Variants in ENOX1 observed in about 807,000 individuals in gnomAD.
ENOX1 encodes ecto-NOX disulfide-thiol exchanger 1.
ENOX1 carries 42 observed loss-of-function variants against 82.5 expected under a neutral mutation model. That is an observed-to-expected ratio of 0.51 (90% CI 0.40 to 0.66). ENOX1 has a LOEUF of 0.66. Among genes scored for constraint, ENOX1 ranks in the 30% least tolerant of loss-of-function variants. The probability of loss-of-function intolerance (pLI) is 0.00; values close to 1 mark genes in which losing one functional copy is unlikely to be tolerated. For missense variants in ENOX1, 608 were observed against 811.6 expected, an observed-to-expected ratio of 0.75 and a Z score of 3.05; for synonymous variants, 271 against 282.2, an observed-to-expected ratio of 0.96 and a Z score of 0.40.
intron 9 of ENOX1, among the ~76,000 whole-genome samples, chr13:43,330,224 A>G (rs2048341536): frequency 6.6e-6 from 1 of 152,240 alleles, no homozygotes; most frequent in South Asian, 2.1e-4. Context: ...AGAGAAAGAT[A>G]TAACCAGCAA....
At chr13:43,783,130 A>G (rs1952370234) in intron 1 of ENOX1, among the ~76,000 whole-genome samples, 1 of 152,186 alleles carries the variant, frequency 6.6e-6, no homozygotes, top group Admixed American at 6.5e-5. Context: ...GAAAATTCAC[A>G]CAGAATAAGA....
chr13:43,685,877 C>CACAT (rs1290837240), intron 1 of ENOX1, among the ~76,000 whole-genome samples: 10 of 136,194 alleles, frequency 7.3e-5, no homozygotes, highest in Non-Finnish European at 7.6e-5. Flanking sequence ...GAAGGAAACA[C>CACAT]ACACACACAC....
intron 5 of ENOX1, among the ~76,000 whole-genome samples, chr13:43,399,489 T>C (rs2053366586): frequency 1.3e-5 from 2 of 152,226 alleles, no homozygotes; most frequent in South Asian, 2.1e-4. Context: ...TCCCTTAAAA[T>C]AGAAAGTCAT....
At chr13:43,756,969 C>CAAA (rs1408849152) in intron 1 of ENOX1, among the ~76,000 whole-genome samples, 28 of 41,470 alleles carry the variant, frequency 6.8e-4, no homozygotes, top group South Asian at 1.3e-3. Context: ...ACAAAAACAA[C>CAAA]AACAAAAAAA....
At chr13:43,215,086 C>T (rs2041399349) in intron 16 of ENOX1, among the ~76,000 whole-genome samples, 1 of 152,172 alleles carries the variant, frequency 6.6e-6, no homozygotes, top group Admixed American at 6.5e-5. Flanking sequence ...TTCATTGAAT[C>T]AGAGCTATTA....
chr13:43,622,105 C>T (rs2082759717), intron 2 of ENOX1, among the ~76,000 whole-genome samples: 1 of 152,118 alleles, frequency 6.6e-6, no homozygotes, highest in African/African-American at 2.4e-5. Flanking sequence ...ATTTTGTTTT[C>T]CTTTAAGCTA....
intron 5 of ENOX1, among the ~76,000 whole-genome samples, chr13:43,388,135 C>T (rs1347842249): frequency 1.3e-5 from 2 of 152,108 alleles, no homozygotes; most frequent in East Asian, 1.9e-4. Context: ...ATGAAGCCTG[C>T]CAGATTGGTG....
At chr13:43,360,093 C>T in intron 6 of ENOX1, 36 bp from the exon 7 acceptor site, 1 of 1,591,066 alleles carries the variant, frequency 6.3e-7, no homozygotes, top group Non-Finnish European at 8.6e-7. Flanking sequence ...TTTTATCTTT[C>T]ATTTATTTGC....
chr13:43,579,066 C>T (rs2080579581), intron 2 of ENOX1, among the ~76,000 whole-genome samples: 1 of 151,252 alleles, frequency 6.6e-6, no homozygotes, highest in Non-Finnish European at 1.5e-5. Context: ...ATGACTTAGT[C>T]TCATCATTAA....
At chr13:43,361,937 A>G (rs150818469) in intron 5 of ENOX1, among the ~76,000 whole-genome samples, 1 of 151,732 alleles carries the variant, frequency 6.6e-6, no homozygotes, top group East Asian at 1.9e-4. Flanking sequence ...ATACTTTATA[A>G]TGATGTATTC....
chr13:43,475,794 C>CAAAAAAAAAAAAAAAAAAAAAACAA (rs10624980), intron 3 of ENOX1, among the ~76,000 whole-genome samples: 1 of 70,946 alleles, frequency 1.4e-5, no homozygotes, highest in Non-Finnish European at 2.5e-5. Context: ...CATAACTGAC[C>CAAAAAAAAAAAAAAAAAAAAAACAA]AAAAAAAAAA....
chr13:43,372,951 AAG>A (rs1491555218), intron 5 of ENOX1, among the ~76,000 whole-genome samples: 1 of 152,084 alleles, frequency 6.6e-6, no homozygotes, highest in Non-Finnish European at 1.5e-5. Flanking sequence ...GCAAAAAAAA[AAG>A]GACTAAAAAG....
chr13:43,458,644 A>G (rs769844237), intron 3 of ENOX1: 2 of 152,184 alleles, frequency 1.3e-5, no homozygotes, highest in Non-Finnish European at 2.9e-5. Context: ...GACAAAAACA[A>G]TAAAGGAAAA....
chr13:43,470,263 T>C (rs1179439543), intron 3 of ENOX1, among the ~76,000 whole-genome samples: 15 of 50,084 alleles, frequency 3.0e-4, no homozygotes, highest in African/African-American at 7.2e-4. Flanking sequence ...TATATATACA[T>C]ATATATACAC....
At chr13:43,511,416 C>A (rs2077364034) in intron 2 of ENOX1, among the ~76,000 whole-genome samples, 1 of 152,122 alleles carries the variant, frequency 6.6e-6, no homozygotes, top group African/African-American at 2.4e-5. Flanking sequence ...CATGCAGTTA[C>A]ATTTACATGG....
intron 1 of ENOX1, among the ~76,000 whole-genome samples, chr13:43,762,596 A>T (rs1951046880): frequency 6.6e-6 from 1 of 152,182 alleles, no homozygotes. Flanking sequence ...GCCTCCAGTA[A>T]ATGTAAGCCA....
chr13:43,780,317 CAAA>C (rs56908774), intron 1 of ENOX1, among the ~76,000 whole-genome samples: 1 of 135,048 alleles, frequency 7.4e-6, no homozygotes, highest in Non-Finnish European at 1.6e-5. Context: ...GTTCCCTGGA[CAAA>C]AAAAAAAAAT....
At chr13:43,642,245 G>C (rs1290991470) in intron 2 of ENOX1, among the ~76,000 whole-genome samples, 1 of 152,038 alleles carries the variant, frequency 6.6e-6, no homozygotes, top group African/African-American at 2.4e-5. Flanking sequence ...TGAACACCCA[G>C]GTCCAGTTTT....
chr13:43,763,219 T>C (rs9525837), intron 1 of ENOX1, among the ~76,000 whole-genome samples: 8,851 of 152,248 alleles, frequency 0.058, 363 homozygotes, highest in Non-Finnish European at 0.088. Context: ...TTATAAACAA[T>C]AGAAATCTAT....
Sources: gnomAD v4.1 joint callset for allele counts (sites outside exome capture counted in the v4.1 genomes callset) on GRCh38, gnomAD v4.1.1 for gene constraint, MANE v1.5 for transcripts, NCBI Gene and HGNC (gene_info 2026-07-23, HGNC 2026-07-21) for gene names.